GPC5: variants seen among roughly 807,000 people sequenced by gnomAD.
The protein encoded by GPC5 is glypican 5.
Under a neutral mutation model 53.9 loss-of-function variants are expected in GPC5, and 47 were observed. The ratio of observed to expected loss-of-function variants is 0.87; its 90% CI spans 0.69 to 1.11. GPC5 has a LOEUF of 1.11. GPC5 is among the 50% of genes most tolerant of loss of function. The pLI, the probability that GPC5 is intolerant of heterozygous loss-of-function variation, is 0.00. For missense variants in GPC5, 748 were observed against 713.1 expected (o/e 1.05, Z -0.56); for synonymous variants, 286 against 263.3 (o/e 1.09, Z -0.84).
intron 7 of GPC5, among the ~76,000 whole-genome samples, chr13:92,513,370 GAATT>G (rs1880646824): frequency 6.6e-6 from 1 of 151,864 alleles, no homozygotes; most frequent in African/African-American, 2.4e-5. Context: ...AAAGTATTAT[GAATT>G]AATTCACTTG....
chr13:92,861,294 T>C (rs1566449388), intron 7 of GPC5, among the ~76,000 whole-genome samples: 1 of 152,156 alleles, frequency 6.6e-6, no homozygotes, highest in African/African-American at 2.4e-5. Flanking sequence ...ACAGAATTGC[T>C]GCATAAAAGT....
chr13:92,183,735 T>G (rs1378131473), intron 7 of GPC5, among the ~76,000 whole-genome samples: 1 of 152,062 alleles, frequency 6.6e-6, no homozygotes, highest in Non-Finnish European at 1.5e-5. Flanking sequence ...AGGTCTAATT[T>G]TGTGGTTTTT....
In GPC5 at chr13:91,957,987, A is replaced by T. The variant is rs540649773; in HGVS notation, c.1401+49930A>T. On this transcript the variant is annotated intron_variant, in intron 6 of 7. Transcript: ENST00000377067. Reference sequence around the variant, plus strand: ...GAACAAAAGATAAACAAAACAACCAAAAATCAATTAATAAATGACAAAAAT... The same window carrying T: ...GAACAAAAGATAAACAAAACAACCATAAATCAATTAATAAATGACAAAAAT... Among the ~76,000 whole-genome samples, 57 of 152,214 alleles carry T rather than the reference A, an allele frequency of 3.7e-4. 1 individual carries two copies. The highest frequency in any genetic ancestry group is 1.3e-3 in the African/African-American group (53 of 41,576).
chr13:92,286,786 A>G (rs987850818), intron 7 of GPC5, among the ~76,000 whole-genome samples: 4 of 152,002 alleles, frequency 2.6e-5, no homozygotes, highest in Admixed American at 6.6e-5. Flanking sequence ...CCTAATGTAA[A>G]TGATGAGTTA....
At chr13:92,413,821 A>C (rs1876159132) in intron 7 of GPC5, among the ~76,000 whole-genome samples, 1 of 152,214 alleles carries the variant, frequency 6.6e-6, no homozygotes, top group Non-Finnish European at 1.5e-5. Context: ...AGGGGCTGAG[A>C]TGAGGCTATT....
At chr13:92,691,165 C>T (rs367809726) in intron 7 of GPC5, among the ~76,000 whole-genome samples, 2 of 101,490 alleles carry the variant, frequency 2.0e-5, no homozygotes, top group Non-Finnish European at 3.8e-5. Flanking sequence ...CCTCCCCCAG[C>T]CTCGTTGCCG....
At chr13:91,804,143 C>T (rs2038182460) in intron 5 of GPC5, among the ~76,000 whole-genome samples, 1 of 152,180 alleles carries the variant, frequency 6.6e-6, no homozygotes, top group Admixed American at 6.5e-5. Context: ...CCCTAGGCTT[C>T]CTTGTACCAT....
intron 5 of GPC5, among the ~76,000 whole-genome samples, chr13:91,861,299 A>G (rs1594624058): frequency 6.6e-6 from 1 of 152,340 alleles, no homozygotes; most frequent in South Asian, 2.1e-4. Context: ...TCAGTGATGA[A>G]CAAAGGGATG....
At chr13:92,539,580 G>A (rs1164893577) in intron 7 of GPC5, among the ~76,000 whole-genome samples, 1 of 151,956 alleles carries the variant, frequency 6.6e-6, no homozygotes, top group Non-Finnish European at 1.5e-5. Context: ...CCATTTATCA[G>A]ATGGGTAGAT....
chr13:91,476,227 T>A (rs909193224), intron 2 of GPC5, among the ~76,000 whole-genome samples: 2 of 152,084 alleles, frequency 1.3e-5, no homozygotes, highest in African/African-American at 4.8e-5. Context: ...GCCCAAAGTG[T>A]CTCCAGACAC....
intron 1 of GPC5, among the ~76,000 whole-genome samples, chr13:91,439,629 C>G (rs1458276553): frequency 6.6e-6 from 1 of 152,108 alleles, no homozygotes; most frequent in East Asian, 1.9e-4. Context: ...TGTGTATTCT[C>G]CTTTTCTCTT....
intron 2 of GPC5, among the ~76,000 whole-genome samples, chr13:91,493,825 C>T (rs1049238213): frequency 2.6e-5 from 4 of 152,070 alleles, no homozygotes; most frequent in South Asian, 2.1e-4. Flanking sequence ...AATCTGCAAA[C>T]GATTCTACCC....
chr13:92,255,751 A>G (rs1319689496), intron 7 of GPC5, among the ~76,000 whole-genome samples: 3 of 152,086 alleles, frequency 2.0e-5, no homozygotes, highest in Non-Finnish European at 2.9e-5. Context: ...CTTGGCTTCC[A>G]AGTATTTGGA....
chr13:92,648,145 T>C (rs1299908550), intron 7 of GPC5, among the ~76,000 whole-genome samples: 2 of 152,072 alleles, frequency 1.3e-5, no homozygotes, highest in Non-Finnish European at 2.9e-5. Flanking sequence ...CTTCATTATT[T>C]TTGGTAAGAA....
intron 7 of GPC5, among the ~76,000 whole-genome samples, chr13:92,437,884 T>C (rs1226076054): frequency 1.3e-5 from 2 of 152,112 alleles, no homozygotes; most frequent in Non-Finnish European, 2.9e-5. Context: ...GGATCTCTCC[T>C]CTACAATAAG....
At chr13:92,667,688 G>A (rs1019052349) in intron 7 of GPC5, among the ~76,000 whole-genome samples, 6 of 152,190 alleles carry the variant, frequency 3.9e-5, no homozygotes, top group East Asian at 1.9e-4. Context: ...CCATTCAGCC[G>A]TGCAGATGAG....
chr13:91,409,108 C>G (rs970140037), intron 1 of GPC5, among the ~76,000 whole-genome samples: 1 of 152,088 alleles, frequency 6.6e-6, no homozygotes, highest in Non-Finnish European at 1.5e-5. Flanking sequence ...TTGAATAACT[C>G]TCTTATTCGG....
intron 7 of GPC5, among the ~76,000 whole-genome samples, chr13:92,744,620 T>C (rs1336722535): frequency 6.6e-6 from 1 of 151,692 alleles, no homozygotes; most frequent in Admixed American, 6.6e-5. Context: ...AAAACTGGGA[T>C]CCATAAGGTG....
At chr13:92,239,290 TAGG>T (rs2042592498) in intron 7 of GPC5, among the ~76,000 whole-genome samples, 1 of 152,000 alleles carries the variant, frequency 6.6e-6, no homozygotes, top group African/African-American at 2.4e-5. Flanking sequence ...TGTCAATAAA[TAGG>T]AGAGTTTTGC....
Sources: allele counts gnomAD v4.1 joint callset (sites outside exome capture counted in the v4.1 genomes callset), GRCh38; gene constraint gnomAD v4.1.1; transcripts MANE v1.5; gene names NCBI Gene and HGNC (gene_info 2026-07-23, HGNC 2026-07-21).